Variants in PUS10 observed in about 807,000 individuals in gnomAD.
PUS10 encodes tRNA pseudouridine synthase Pus10.
PUS10 carries 59 observed loss-of-function variants against 75.0 expected under a neutral mutation model. That is an observed-to-expected ratio of 0.79 (90% confidence interval 0.64 to 0.98). The LOEUF is 0.98. Ranked by LOEUF, PUS10 falls within the 50% of genes least tolerant of loss-of-function variation. The pLI is 0.00. For synonymous variants in PUS10, 219 were observed against 211.6 expected (o/e 1.03, Z -0.30); for missense variants, 650 against 614.4 (o/e 1.06, Z -0.61).
chr2:61,002,771 G>C (rs1355595460), intron 4 of PUS10, among the ~76,000 whole-genome samples: 2 of 152,116 alleles, frequency 1.3e-5, no homozygotes, highest in East Asian at 3.9e-4. Context: ...ACAGTCGTAA[G>C]GTATTTATTA....
At chr2:60,994,216 G>C (rs184873702) in intron 4 of PUS10, among the ~76,000 whole-genome samples, 2 of 151,874 alleles carry the variant, frequency 1.3e-5, no homozygotes, top group African/African-American at 4.8e-5. Context: ...GTTTGGATGT[G>C]TCTGACTTCA....
At chr2:60,981,094 T>G (rs772248688) in intron 4 of PUS10, among the ~76,000 whole-genome samples, 3 of 152,102 alleles carry the variant, frequency 2.0e-5, no homozygotes, top group Non-Finnish European at 2.9e-5. Flanking sequence ...GGTTTCGCCA[T>G]GTTGGCCAGG....
rs1676663578 is a variant in PUS10, at chr2:60,971,546, C to G, written c.480G>C (p.Trp160Cys). The G allele has an allele frequency of 4.3e-6, 7 of 1,613,506 alleles. No homozygotes were observed. The highest frequency in any genetic ancestry group is 5.9e-6 in the Non-Finnish European group (7 of 1,179,642). Residue 160 changes from tryptophan to cysteine, a missense_variant, in exon 5 of 18, where the codon TGG becomes TGC. Physicochemically the swap from Trp to Cys is radical, Grantham distance 215 (BLOSUM62 -2). Transcript: ENST00000316752. ...PQLSVREHAA[W>C]LLVKQEMGKQ... ...ACCCCATTTCCTGTTTTACCAGCAA[C>G]CATGCAGCATGCTGTAGGCAATTTA...
chr2:61,012,197 G>C (rs12464096), intron 1 of PUS10, among the ~76,000 whole-genome samples: 21,583 of 152,110 alleles, frequency 0.14, 1,876 homozygotes, highest in Non-Finnish European at 0.19. Flanking sequence ...AATCAAGAAT[G>C]GTTGCTTCTG....
chr2:61,008,751 G>C lies in PUS10; in HGVS notation c.381+10C>G. 7 of 1,548,574 alleles carry C rather than the reference G, an allele frequency of 4.5e-6. No individual in the cohort carries two copies. The highest frequency in any genetic ancestry group is 6.1e-6 in the Non-Finnish European group (7 of 1,140,012). ...ATAATTGCACCTATAATGAAAAACA[G>C]GTTATTTACCTTTTTAATGAAATCT... On this transcript the variant is annotated intron_variant, in intron 3 of 17. Transcript: ENST00000316752.
chr2:60,982,368 T>C (rs1677449370), intron 4 of PUS10, among the ~76,000 whole-genome samples: 2 of 152,168 alleles, frequency 1.3e-5, no homozygotes, highest in South Asian at 2.1e-4. Flanking sequence ...GTTCATGCAA[T>C]GCTTGTGTCT....
chr2:60,966,276 T>TA (rs1676334464), intron 6 of PUS10: 4 of 152,192 alleles, frequency 2.6e-5, no homozygotes. Context: ...TTTATACTTT[T>TA]ACCTCCATGG....
At chr2:60,984,154 A>C (rs1677578788) in intron 4 of PUS10, among the ~76,000 whole-genome samples, 1 of 152,200 alleles carries the variant, frequency 6.6e-6, no homozygotes, top group Admixed American at 6.5e-5. Context: ...TAAAATTAGA[A>C]ATTTATGTTT....
At chr2:60,947,950 C>G in intron 16 of PUS10, 93 bp downstream of exon 16, 1 of 1,389,062 alleles carries the variant, frequency 7.2e-7, no homozygotes, top group Non-Finnish European at 1.0e-6. Context: ...CCGAATCCCT[C>G]CCAGACCAAG....
chr2:60,960,360 A>T, intron 11 of PUS10, 32 bp downstream of exon 11: 4 of 1,442,392 alleles, frequency 2.8e-6, no homozygotes, highest in Non-Finnish European at 3.6e-6. Flanking sequence ...AAAAAAAAAA[A>T]GAAAGAAAAG....
chr2:60,960,731 G>A (rs569199154), intron 10 of PUS10, among the ~76,000 whole-genome samples: 2 of 151,740 alleles, frequency 1.3e-5, no homozygotes, highest in South Asian at 2.1e-4. Flanking sequence ...AAAATAGATG[G>A]GTAAATATAT....
intron 17 of PUS10, among the ~76,000 whole-genome samples, chr2:60,944,429 G>GGA (rs1291228251): frequency 6.6e-6 from 1 of 152,160 alleles, no homozygotes; most frequent in Non-Finnish European, 1.5e-5. Context: ...GAGGAGCGGG[G>GGA]GAGGTACTCT....
intron 4 of PUS10, among the ~76,000 whole-genome samples, chr2:61,004,748 CTG>C (rs1679096198): frequency 6.6e-6 from 1 of 150,954 alleles, no homozygotes; most frequent in Non-Finnish European, 1.5e-5. Context: ...GCATATAAAA[CTG>C]TACTTTCTTG....
intron 10 of PUS10, 105 bp downstream of exon 10, chr2:60,961,358 G>T: frequency 1.2e-6 from 1 of 866,598 alleles, no homozygotes; most frequent in Non-Finnish European, 1.9e-6. Flanking sequence ...AAACTTATTA[G>T]AATCTAATAA....
At position 60,943,471 on chromosome 2, in the gene PUS10, T is replaced by TA. The variant is rs56288950; in HGVS notation, c.1552-1039dup. Among the ~76,000 whole-genome samples, 1,202 of 143,752 alleles carry TA rather than the reference T, an allele frequency of 8.4e-3. 7 individuals carry two copies. The highest frequency in any genetic ancestry group is 0.024 in the African/African-American group (927 of 38,904). The allele number at this position is 143,752 out of a possible 152,430, so 94.3% of individuals were successfully genotyped here. A position where few individuals can be genotyped will look rare whatever the true frequency, so the allele number is the denominator to read the frequency against. On this transcript the variant is annotated intron_variant, in intron 17 of 17. Transcript: ENST00000316752. ...TAGGGGATCTACTTTAAGAGAAAGT[T>TA]AAAAAAAAAAAAAAACCCACCGTAT...
At chr2:60,970,351 A>G (rs1266287339) in intron 5 of PUS10, among the ~76,000 whole-genome samples, 2 of 152,224 alleles carry the variant, frequency 1.3e-5, no homozygotes, top group Non-Finnish European at 1.5e-5. Flanking sequence ...TTATTTTTCT[A>G]TAAGTCACTT....
intron 4 of PUS10, among the ~76,000 whole-genome samples, chr2:60,993,473 A>G (rs957108662): frequency 1.3e-5 from 2 of 152,128 alleles, no homozygotes; most frequent in African/African-American, 2.4e-5. Context: ...AAAAAGAAAA[A>G]AAGAAAGGTC....
At chr2:60,970,688 TA>T (rs1676605837) in intron 5 of PUS10, among the ~76,000 whole-genome samples, 1 of 152,182 alleles carries the variant, frequency 6.6e-6, no homozygotes, top group Admixed American at 6.5e-5. Flanking sequence ...ACATGATCTC[TA>T]ACATCATATC....
chr2:60,940,625 A>G lies in PUS10; in HGVS notation c.*1770T>C, dbSNP rs926425619. 1 of 152,312 alleles carries G rather than the reference A, an allele frequency of 6.6e-6. No individual in the cohort carries two copies. Among genetic ancestry groups the G allele is most frequent in the Non-Finnish European group, 1.5e-5 (1 of 68,004 alleles). 9.4% of individuals were successfully genotyped at this position (152,312 alleles called of 1,614,324 possible). A position where few individuals can be genotyped will look rare whatever the true frequency, so the allele number is the denominator to read the frequency against. On this transcript the variant is annotated 3_prime_UTR_variant, in exon 18 of 18. Transcript: ENST00000316752. ...CAGGAATAGAAATTTAAGAAATAGA[A>G]ATCTTCTCATTTCAGTTTGCTAAGC...
Sources: gnomAD v4.1 joint callset for allele counts (sites outside exome capture counted in the v4.1 genomes callset) on GRCh38, gnomAD v4.1.1 for gene constraint, MANE v1.5 for transcripts, NCBI Gene and HGNC (gene_info 2026-07-23, HGNC 2026-07-21) for gene names.